Variants in FOXP2 observed in about 807,000 individuals in gnomAD.
FOXP2 encodes the protein forkhead box P2.
In FOXP2, 12 loss-of-function variants were observed where a neutral mutation model predicts 115.8. The observed-to-expected ratio is 0.10, with a 90% CI of 0.07 to 0.17. The LOEUF is 0.17. Among genes scored for constraint, FOXP2 ranks in the 10% least tolerant of loss-of-function variants. The probability of loss-of-function intolerance (pLI) is 1.00; values close to 1 mark genes in which losing one functional copy is unlikely to be tolerated. For synonymous variants in FOXP2, 328 were observed against 297.7 expected (o/e 1.10, Z -1.05); for missense variants, 629 against 843.5 (o/e 0.75, Z 3.15).
At chr7:114,450,441 G>A (rs1795023667) in intron 2 of FOXP2, among the ~76,000 whole-genome samples, 1 of 151,998 alleles carries the variant, frequency 6.6e-6, no homozygotes, top group African/African-American at 2.4e-5. Flanking sequence ...TATAGCTTGA[G>A]GGAAAGGTGT....
At chr7:114,272,387 G>A (rs753298870) in intron 1 of FOXP2, among the ~76,000 whole-genome samples, 10 of 151,672 alleles carry the variant, frequency 6.6e-5, no homozygotes, top group Non-Finnish European at 1.5e-4. Flanking sequence ...GGTAATGCTG[G>A]CTTCATCAAA....
At chr7:114,312,805 G>T (rs1797178034) in intron 2 of FOXP2, among the ~76,000 whole-genome samples, 1 of 152,218 alleles carries the variant, frequency 6.6e-6, no homozygotes, top group African/African-American at 2.4e-5. Flanking sequence ...CAAGCAGTAA[G>T]CTAGCCTGCT....
chr7:114,210,486 C>T (rs550280517), intron 1 of FOXP2, among the ~76,000 whole-genome samples: 27 of 152,172 alleles, frequency 1.8e-4, no homozygotes, highest in South Asian at 1.7e-3. Context: ...GTGATGGCTG[C>T]GAAACAGGAA....
chr7:114,309,458 G>C (rs957977435), intron 2 of FOXP2, among the ~76,000 whole-genome samples: 1 of 152,204 alleles, frequency 6.6e-6, no homozygotes, highest in African/African-American at 2.4e-5. Flanking sequence ...TGTGTGTCCA[G>C]TTTATGATGG....
intron 2 of FOXP2, among the ~76,000 whole-genome samples, chr7:114,525,257 T>C (rs997479002): frequency 1.3e-5 from 2 of 152,204 alleles, no homozygotes; most frequent in Non-Finnish European, 2.9e-5. Context: ...GGAACCCGAA[T>C]TCCAAAAGTC....
At chr7:114,423,453 AAG>A (rs773232641) in intron 1 of FOXP2, among the ~76,000 whole-genome samples, 4 of 151,680 alleles carry the variant, frequency 2.6e-5, no homozygotes, top group Non-Finnish European at 4.4e-5. Context: ...GTAAGATCTG[AAG>A]AGTTATTTTC....
chr7:114,531,619 T>C (rs2129275679), intron 2 of FOXP2, among the ~76,000 whole-genome samples: 1 of 152,050 alleles, frequency 6.6e-6, no homozygotes, highest in South Asian at 2.1e-4. Context: ...CCTCTTATGT[T>C]TACTATAGCA....
At chr7:114,580,775 T>C (rs1191067248) in intron 3 of FOXP2, among the ~76,000 whole-genome samples, 1 of 152,070 alleles carries the variant, frequency 6.6e-6, no homozygotes, top group Non-Finnish European at 1.5e-5. Context: ...AGTTTGACCA[T>C]AGGCAGTAGG....
intron 2 of FOXP2, among the ~76,000 whole-genome samples, chr7:114,444,765 T>A (rs1401288501): frequency 6.6e-6 from 1 of 152,126 alleles, no homozygotes; most frequent in African/African-American, 2.4e-5. Flanking sequence ...GGAAAATAGA[T>A]ATTTAATTAA....
intron 1 of FOXP2, among the ~76,000 whole-genome samples, chr7:114,251,614 G>T (rs945594515): frequency 1.3e-5 from 2 of 152,178 alleles, no homozygotes; most frequent in Non-Finnish European, 2.9e-5. Context: ...GTATAAGAAT[G>T]CTTGTGATTT....
At chr7:114,163,784 C>T (rs926939998) in intron 1 of FOXP2, among the ~76,000 whole-genome samples, 3 of 152,098 alleles carry the variant, frequency 2.0e-5, no homozygotes, top group South Asian at 4.1e-4. Flanking sequence ...TTCTTTGTGA[C>T]GACTTTTATC....
In FOXP2 at chr7:114,693,319, G is replaced by A. The variant is rs1358199142; in HGVS notation, c.*3393G>A. On this transcript the variant is annotated 3_prime_UTR_variant, in exon 17 of 17. Transcript: ENST00000350908. ...TGATTAGGGAATCGAAGAATAGTCA[G>A]CTAGGAATAGAGCTACAGAAGTACA... 4.4e-6 allele frequency: 2 copies of A among 453,470 alleles called. No homozygotes were observed. Among genetic ancestry groups the A allele is most frequent in the Non-Finnish European group, 8.8e-6 (2 of 226,468 alleles). The allele number at this position is 453,470 out of a possible 1,614,324, so 28.1% of individuals were successfully genotyped here.
At chr7:114,599,732 TTCTG>T (rs1442960817) in intron 3 of FOXP2, among the ~76,000 whole-genome samples, 5 of 152,212 alleles carry the variant, frequency 3.3e-5, no homozygotes, top group African/African-American at 1.2e-4. Context: ...TACTGGTTAT[TTCTG>T]TCTTTTTTTA....
chr7:114,273,157 C>G (rs541476522), intron 1 of FOXP2, among the ~76,000 whole-genome samples: 179 of 151,962 alleles, frequency 1.2e-3, no homozygotes, highest in South Asian at 9.8e-3. Context: ...TCTCTATGTT[C>G]AGAATGTTAT....
chr7:114,246,378 C>T (rs192093114), intron 1 of FOXP2, among the ~76,000 whole-genome samples: 75 of 151,896 alleles, frequency 4.9e-4, no homozygotes, highest in African/African-American at 1.7e-3. Context: ...CTAATGAGAC[C>T]CCCAAAATTT....
chr7:114,155,295 C>T (rs1187152737), intron 1 of FOXP2, among the ~76,000 whole-genome samples: 2 of 152,184 alleles, frequency 1.3e-5, no homozygotes, highest in African/African-American at 4.8e-5. Context: ...ATATCCTCTT[C>T]CTTTGGAATT....
intron 2 of FOXP2, among the ~76,000 whole-genome samples, chr7:114,466,414 G>A (rs1170312600): frequency 6.6e-6 from 1 of 152,120 alleles, no homozygotes; most frequent in East Asian, 1.9e-4. Context: ...AGTATCAATG[G>A]CCTCCCAGAT....
intron 2 of FOXP2, among the ~76,000 whole-genome samples, chr7:114,391,155 C>G (rs926609946): frequency 1.3e-5 from 2 of 151,902 alleles, no homozygotes; most frequent in African/African-American, 4.8e-5. Flanking sequence ...CCACTGTACT[C>G]CAGCCTTGGC....
intron 2 of FOXP2, among the ~76,000 whole-genome samples, chr7:114,527,334 T>G (rs1798929153): frequency 6.6e-6 from 1 of 152,114 alleles, no homozygotes; most frequent in South Asian, 2.1e-4. Flanking sequence ...TGGGTGGAAT[T>G]AATGGATCAT....
Sources: allele counts gnomAD v4.1 joint callset (sites outside exome capture counted in the v4.1 genomes callset), GRCh38; gene constraint gnomAD v4.1.1; transcripts MANE v1.5; gene names NCBI Gene and HGNC (gene_info 2026-07-23, HGNC 2026-07-21).